PROM1: variants seen among roughly 807,000 people sequenced by gnomAD.
PROM1 encodes prominin-1.
In PROM1, 105 loss-of-function variants were observed where a neutral mutation model predicts 116.9. The observed-to-expected ratio is 0.90, with a 90% CI of 0.77 to 1.06. The LOEUF (loss-of-function observed/expected upper bound fraction) is 1.06. Among genes scored for constraint, PROM1 ranks in the 50% least tolerant of loss-of-function variants. The pLI is 0.00. For missense variants in PROM1, 1,122 were observed against 1,045.2 expected, an observed-to-expected ratio of 1.07 and a Z score of -1.01; for synonymous variants, 393 against 387.0, an observed-to-expected ratio of 1.02 and a Z score of -0.18.
At chr4:16,008,711 C>A (rs1243568620) in intron 12 of PROM1, among the ~76,000 whole-genome samples, 1 of 152,242 alleles carries the variant, frequency 6.6e-6, no homozygotes, top group Non-Finnish European at 1.5e-5. Flanking sequence ...TGCATATCAT[C>A]TGTACACAGG....
At chr4:16,068,344 T>C (rs1302028086) in intron 2 of PROM1, among the ~76,000 whole-genome samples, 1 of 152,210 alleles carries the variant, frequency 6.6e-6, no homozygotes, top group African/African-American at 2.4e-5. Flanking sequence ...AACTGAGTTG[T>C]TATCTGGCTT....
At chr4:15,972,798 C>G (rs1481011286) in intron 26 of PROM1, among the ~76,000 whole-genome samples, 2 of 152,242 alleles carry the variant, frequency 1.3e-5, no homozygotes, top group African/African-American at 2.4e-5. Flanking sequence ...TGAGACTCTC[C>G]TGTCTCCAGA....
chr4:16,035,631 A>G, intron 4 of PROM1, 104 bp downstream of exon 4: 1 of 1,156,232 alleles, frequency 8.6e-7, no homozygotes, highest in East Asian at 2.3e-5. Flanking sequence ...TGATGGTAAA[A>G]ACAGAAATGA....
chr4:16,044,964 T>C (rs1736185961), intron 2 of PROM1, among the ~76,000 whole-genome samples: 1 of 152,150 alleles, frequency 6.6e-6, no homozygotes, highest in Non-Finnish European at 1.5e-5. Flanking sequence ...AGAGGCATCT[T>C]GCCCCAAGAA....
At chr4:15,997,695 C>T (rs1206831439) in intron 15 of PROM1, among the ~76,000 whole-genome samples, 1 of 152,100 alleles carries the variant, frequency 6.6e-6, no homozygotes, top group Non-Finnish European at 1.5e-5. Context: ...GAACTCCTGA[C>T]CTCAGGTGAT....
intron 2 of PROM1, among the ~76,000 whole-genome samples, chr4:16,061,448 T>G (rs769796586): frequency 6.6e-6 from 1 of 152,170 alleles, no homozygotes; most frequent in Non-Finnish European, 1.5e-5. Flanking sequence ...ATAGATAATG[T>G]GATTCAAATG....
intron 15 of PROM1, among the ~76,000 whole-genome samples, chr4:15,995,390 AAGGAGG>A (rs568780629): frequency 1.3e-5 from 2 of 151,792 alleles, no homozygotes; most frequent in South Asian, 4.2e-4. Context: ...AAAGAAGAAA[AAGGAGG>A]AGGAGGAGGA....
At chr4:16,016,366 C>G in intron 9 of PROM1, 126 bp from the exon 10 acceptor site, 1 of 738,246 alleles carries the variant, frequency 1.4e-6, no homozygotes. Context: ...ATCGCAGTTT[C>G]TTTTGAACAA....
Position 16,035,780 on chromosome 4 carries a change from G to T in PROM1, c.277-19C>A. 2.5e-6 allele frequency: 4 copies of T among 1,612,930 alleles called. No homozygotes were observed. The highest frequency in any genetic ancestry group is 3.4e-6 in the Non-Finnish European group (4 of 1,179,138). ...TTTCTGGCTGTAGAAGTCAACGCAG[G>T]TGAGGAATTTTGGCAGAGGCAGCAT... On this transcript the variant is annotated intron_variant, in intron 3 of 27. Transcript: ENST00000447510.
chr4:16,022,711 TAGG>T (rs1730210264), intron 8 of PROM1, among the ~76,000 whole-genome samples: 1 of 152,168 alleles, frequency 6.6e-6, no homozygotes, highest in Non-Finnish European at 1.5e-5. Flanking sequence ...AGGAAGGGCC[TAGG>T]AGGTCTTTTT....
intron 1 of PROM1, among the ~76,000 whole-genome samples, chr4:16,081,634 G>T (rs1745068697): frequency 6.6e-6 from 1 of 152,124 alleles, no homozygotes; most frequent in African/African-American, 2.4e-5. Flanking sequence ...AATTACCCCC[G>T]ACTCAGCTTC....
chr4:15,991,465 C>G (rs1015717190), intron 17 of PROM1, among the ~76,000 whole-genome samples, 172 bp from the exon 18 acceptor site: 1 of 151,864 alleles, frequency 6.6e-6, no homozygotes, highest in Non-Finnish European at 1.5e-5. Flanking sequence ...CATATAAAGC[C>G]ATATTTTTAT....
intron 2 of PROM1, among the ~76,000 whole-genome samples, chr4:16,045,646 T>G (rs192841801): frequency 1.6e-4 from 24 of 152,302 alleles, no homozygotes; most frequent in African/African-American, 5.8e-4. Context: ...AACAAAACTT[T>G]TTTTTCAGCA....
In PROM1 at chr4:16,080,589, A is replaced by C. The variant is rs113036069; in HGVS notation, c.-213+3389T>G. The C allele has an allele frequency of 2.0e-5, 3 of 152,070 alleles. No homozygotes were observed. In the East Asian group the frequency reaches 5.8e-4, roughly 29 times the overall value. 9.4% of individuals were successfully genotyped at this position (152,070 alleles called of 1,614,324 possible). A position where few individuals can be genotyped will look rare whatever the true frequency, so the allele number is the denominator to read the frequency against. ...CTTCATTTCTTCTTTTCTTCTTTTG[A>C]TGGAACTTCTCAGAATCTTTCTTTT... On this transcript the variant is annotated intron_variant, in intron 1 of 27. Transcript: ENST00000447510.
At chr4:16,061,844 T>C (rs972186415) in intron 2 of PROM1, among the ~76,000 whole-genome samples, 1 of 151,872 alleles carries the variant, frequency 6.6e-6, no homozygotes, top group Admixed American at 6.6e-5. Flanking sequence ...AGCAGTGTGA[T>C]CATCCCTTGG....
intron 2 of PROM1, among the ~76,000 whole-genome samples, chr4:16,058,454 C>T (rs1739535793): frequency 6.6e-6 from 1 of 152,046 alleles, no homozygotes. Flanking sequence ...TCAAGACCAG[C>T]CTGGACAACA....
intron 1 of PROM1, among the ~76,000 whole-genome samples, chr4:16,077,127 C>A (rs1033574964): frequency 1.3e-5 from 2 of 152,162 alleles, no homozygotes; most frequent in African/African-American, 2.4e-5. Context: ...GGAAGGCATG[C>A]CTCTTGCAGT....
At chr4:16,049,942 T>C (rs1737460541) in intron 2 of PROM1, among the ~76,000 whole-genome samples, 1 of 152,112 alleles carries the variant, frequency 6.6e-6, no homozygotes, top group Admixed American at 6.5e-5. Flanking sequence ...ATTATTTCAC[T>C]ATTCTTCCAC....
At chr4:16,023,971 C>A (rs1191114447) in intron 7 of PROM1, among the ~76,000 whole-genome samples, 1 of 152,210 alleles carries the variant, frequency 6.6e-6, no homozygotes, top group Non-Finnish European at 1.5e-5. Context: ...GAGCTGGCTG[C>A]GTCTGTGCAG....
Sources: allele counts gnomAD v4.1 joint callset (sites outside exome capture counted in the v4.1 genomes callset), GRCh38; gene constraint gnomAD v4.1.1; transcripts MANE v1.5; gene names NCBI Gene and HGNC (gene_info 2026-07-23, HGNC 2026-07-21).